RNF217: variants seen among roughly 807,000 people sequenced by gnomAD.
RNF217 encodes the protein E3 ubiquitin-protein ligase RNF217.
Under a neutral mutation model 57.8 loss-of-function variants are expected in RNF217, and 31 were observed. That is an observed-to-expected ratio of 0.54 (90% CI 0.40 to 0.72). RNF217 has a LOEUF of 0.72. Ranked by LOEUF, RNF217 falls within the 30% of genes least tolerant of loss-of-function variation. RNF217 has a pLI of 0.00. For synonymous variants in RNF217, 313 were observed against 294.0 expected (o/e 1.06, Z -0.66); for missense variants, 696 against 708.3 (o/e 0.98, Z 0.20).
At chr6:124,982,185 G>A (rs1784200737) in intron 1 of RNF217, among the ~76,000 whole-genome samples, 1 of 152,038 alleles carries the variant, frequency 6.6e-6, no homozygotes, top group Admixed American at 6.6e-5. Context: ...TTTCCAACTT[G>A]ACTTTTCCCT....
At chr6:125,016,199 T>C (rs1367029823) in intron 1 of RNF217, among the ~76,000 whole-genome samples, 1 of 152,202 alleles carries the variant, frequency 6.6e-6, no homozygotes, top group Non-Finnish European at 1.5e-5. Flanking sequence ...GGTTCTTTCA[T>C]TATTCTTTGT....
Position 125,076,964 on chromosome 6 carries a change from A to AGT in RNF217, c.1483+109_1483+110dup, listed in dbSNP as rs1182643618. On this transcript the variant is annotated intron_variant, in intron 4 of 5. Coordinates refer to ENST00000521654, the MANE Select transcript of RNF217 (RefSeq NM_001286398.3). ...AATTCAGAGCACCTGCCATGTGCCC[A>AGT]GTGTTCAGAGGAGGATATTCTCTCA... The AGT allele has an allele frequency of 3.1e-6, 3 of 956,294 alleles. No homozygotes were observed. In the African/African-American group the frequency reaches 4.8e-5, roughly 15 times the overall value. The allele number at this position is 956,294 out of a possible 1,614,324, so 59.2% of individuals were successfully genotyped here.
chr6:125,046,797 A>G (rs1365833865), intron 2 of RNF217: 1 of 352,878 alleles, frequency 2.8e-6, no homozygotes, highest in Non-Finnish European at 5.5e-6. Context: ...AGGTTAGTCA[A>G]AGCTTCTTCA....
Position 124,987,731 on chromosome 6 carries a change from C to A in RNF217, c.882+24305C>A, listed in dbSNP as rs536596612. 1.8e-4 allele frequency among the ~76,000 whole-genome samples: 27 copies of A among 152,004 alleles called. No individual in the cohort carries two copies. In the South Asian group the frequency reaches 5.6e-3, roughly 32 times the overall value. On this transcript the variant is annotated intron_variant, in intron 1 of 5. Coordinates refer to ENST00000521654, the MANE Select transcript of RNF217 (RefSeq NM_001286398.3). Reference sequence around the variant, plus strand: ...GCTCAAGTGATCCTCCTGCCTCAACCCGTGGAATAGCTGGGACTATACCTT... The same window carrying A: ...GCTCAAGTGATCCTCCTGCCTCAACACGTGGAATAGCTGGGACTATACCTT...
chr6:125,033,843 C>T (rs1054668161), intron 1 of RNF217, among the ~76,000 whole-genome samples: 3 of 152,030 alleles, frequency 2.0e-5, no homozygotes, highest in Non-Finnish European at 2.9e-5. Context: ...TCTCCACATC[C>T]TCTCCAGCAC....
At chr6:125,069,416 A>G (rs1482311331) in intron 3 of RNF217, among the ~76,000 whole-genome samples, 3 of 152,124 alleles carry the variant, frequency 2.0e-5, no homozygotes, top group Non-Finnish European at 4.4e-5. Context: ...ACTCCCTGAC[A>G]TGGCAGTTGA....
chr6:124,965,069 A>G (rs367587258), intron 1 of RNF217, among the ~76,000 whole-genome samples: 56 of 152,210 alleles, frequency 3.7e-4, no homozygotes, highest in African/African-American at 1.3e-3. Context: ...CTTTTTCTTT[A>G]TTAAACCTCA....
At position 124,962,690 on chromosome 6, in the gene RNF217, A is replaced by T; in HGVS notation, c.146A>T (p.Glu49Val). The T allele has an allele frequency of 7.3e-7, 1 of 1,374,064 alleles. No homozygotes were observed. Among genetic ancestry groups the T allele is most frequent in the Non-Finnish European group, 9.3e-7 (1 of 1,076,320 alleles). The allele number at this position is 1,374,064 out of a possible 1,614,324, so 85.1% of individuals were successfully genotyped here. A position where few individuals can be genotyped will look rare whatever the true frequency, so the allele number is the denominator to read the frequency against. Reference protein sequence around the residue: ...RAPPLRAASAEPSGGGCGSDW... With the variant: ...RAPPLRAASAVPSGGGCGSDW... ...CCCCCGCTGCGCGCCGCCTCCGCGGAGCCGAGCGGCGGTGGCTGCGGAAGC... is the reference window on the plus strand; with the variant it reads ...CCCCCGCTGCGCGCCGCCTCCGCGGTGCCGAGCGGCGGTGGCTGCGGAAGC... Residue 49 changes from glutamate (E) to valine (V), a missense_variant, in exon 1 of 6, where the codon GAG becomes GTG. Physicochemically the swap from Glu to Val is moderately radical, Grantham distance 121 (BLOSUM62 -2). Coordinates refer to ENST00000521654, the MANE Select transcript of RNF217 (RefSeq NM_001286398.3). The surrounding 1 kb of genome is among the most constrained non-coding windows in gnomAD (Gnocchi z 4.6).
chr6:124,984,415 G>A (rs561168277), intron 1 of RNF217, among the ~76,000 whole-genome samples: 2 of 152,050 alleles, frequency 1.3e-5, no homozygotes, highest in South Asian at 2.1e-4. Context: ...AGGTGTGGTG[G>A]TGCATGCCTG....
At chr6:125,008,567 GAA>G (rs1210090842) in intron 1 of RNF217, among the ~76,000 whole-genome samples, 8 of 152,242 alleles carry the variant, frequency 5.3e-5, no homozygotes, top group Admixed American at 5.2e-4. Flanking sequence ...TCAAGCTGAT[GAA>G]AAGTCTTGTG....
rs2114669920 is a variant in RNF217, at chr6:125,086,853, T to G, written c.*3916T>G. ...GTGGTGCTTGTCAGAAAATACCTTG[T>G]TCTGTGACTCTGACTATCTCTTGAG... On this transcript the variant is annotated 3_prime_UTR_variant, in exon 6 of 6. Transcript: ENST00000521654. The G allele has an allele frequency of 6.6e-6, 1 of 152,228 alleles. No individual in the cohort carries two copies. Among genetic ancestry groups the G allele is most frequent in the South Asian group, 2.1e-4 (1 of 4,824 alleles). 9.4% of individuals were successfully genotyped at this position (152,228 alleles called of 1,614,324 possible). A position where few individuals can be genotyped will look rare whatever the true frequency, so the allele number is the denominator to read the frequency against.
At chr6:124,979,218 T>C (rs1008581444) in intron 1 of RNF217, among the ~76,000 whole-genome samples, 1 of 152,172 alleles carries the variant, frequency 6.6e-6, no homozygotes, top group Non-Finnish European at 1.5e-5. Context: ...ATCAATTGTG[T>C]GATGCTGATT....
At position 124,963,316 on chromosome 6, in the gene RNF217, C is replaced by T; in HGVS notation, c.772C>T (p.Leu258Phe). The part of the protein sequence containing the change: ...LGGVGDPYVP[L>F]MVLMCRVCLE... ...CGGTGTAGGGGATCCCTATGTGCCC[C>T]TCATGGTGCTGATGTGCCGGGTGTG... The change falls in exon 1 of 6, where the codon CTC (leucine) becomes TTC (phenylalanine). Residue 258 changes from leucine to phenylalanine, a missense_variant. Physicochemically the swap from Leu to Phe is conservative, Grantham distance 22. Around this residue, in one of 2 missense-constraint regions of RNF217, gnomAD observed 465 missense variants for 386.8 expected, o/e 1.20. Transcript: ENST00000521654. 1 of 1,535,576 alleles carries T rather than the reference C, an allele frequency of 6.5e-7. No homozygotes were observed. The highest frequency in any genetic ancestry group is 8.7e-7 in the Non-Finnish European group (1 of 1,146,654).
chr6:124,983,854 T>C (rs1562452276), intron 1 of RNF217, among the ~76,000 whole-genome samples: 2 of 152,104 alleles, frequency 1.3e-5, no homozygotes, highest in Non-Finnish European at 2.9e-5. Context: ...ATGACAGAAA[T>C]TTATTGCTCA....
chr6:125,024,929 G>A (rs772761444), intron 1 of RNF217, among the ~76,000 whole-genome samples: 2 of 152,162 alleles, frequency 1.3e-5, no homozygotes, highest in South Asian at 4.1e-4. Flanking sequence ...TTGAAACCAT[G>A]GGAGTGGAAG....
intron 1 of RNF217, among the ~76,000 whole-genome samples, chr6:125,006,897 C>T (rs1285936030): frequency 2.0e-5 from 3 of 152,154 alleles, no homozygotes; most frequent in Admixed American, 6.6e-5. Context: ...TGCAATGAGC[C>T]GAGATCGCGC....
At chr6:125,055,580 A>G (rs1213345120) in intron 2 of RNF217, among the ~76,000 whole-genome samples, 2 of 152,200 alleles carry the variant, frequency 1.3e-5, no homozygotes, top group Non-Finnish European at 2.9e-5. Flanking sequence ...CTAATATTTC[A>G]TAAATATAAT....
At chr6:125,065,164 G>A (rs548856961) in intron 3 of RNF217, among the ~76,000 whole-genome samples, 6 of 151,670 alleles carry the variant, frequency 4.0e-5, no homozygotes, top group Admixed American at 2.6e-4. Context: ...AGTGGCAGTC[G>A]CTTGTAGTCC....
At chr6:125,060,672 T>C (rs1461059963) in intron 3 of RNF217, among the ~76,000 whole-genome samples, 1 of 152,068 alleles carries the variant, frequency 6.6e-6, no homozygotes, top group Admixed American at 6.6e-5. Flanking sequence ...CTCAAACTCC[T>C]GACCTCAAGT....
Sources: allele counts gnomAD v4.1 joint callset (sites outside exome capture counted in the v4.1 genomes callset), GRCh38; gene constraint gnomAD v4.1.1; regional missense constraint gnomAD v4.1.1; non-coding constraint Gnocchi (gnomAD v3.1); transcripts MANE v1.5; gene names NCBI Gene and HGNC (gene_info 2026-07-23, HGNC 2026-07-21).